RORA: variants seen among roughly 807,000 people sequenced by gnomAD.
RORA encodes the protein nuclear receptor ROR-alpha.
Under a neutral mutation model 69.5 loss-of-function variants are expected in RORA, and 7 were observed. The ratio of observed to expected loss-of-function variants is 0.10; its 90% CI spans 0.06 to 0.19. The LOEUF (loss-of-function observed/expected upper bound fraction) is 0.19, where lower values mean the gene tolerates loss of function less well. Among genes scored for constraint, RORA ranks in the 10% least tolerant of loss-of-function variants. The pLI, the probability that RORA is intolerant of heterozygous loss-of-function variation, is 1.00. For missense variants in RORA, 457 were observed against 663.0 expected, an observed-to-expected ratio of 0.69 and a Z score of 3.41; for synonymous variants, 261 against 240.8, an observed-to-expected ratio of 1.08 and a Z score of -0.78.
chr15:60,861,213 T>C (rs1291187530), intron 1 of RORA, among the ~76,000 whole-genome samples: 4 of 152,196 alleles, frequency 2.6e-5, no homozygotes, highest in Non-Finnish European at 5.9e-5. Flanking sequence ...TAAAGCATTA[T>C]CCATCCATTA....
intron 1 of RORA, among the ~76,000 whole-genome samples, chr15:60,878,668 A>G (rs948109171): frequency 6.6e-6 from 1 of 152,126 alleles, no homozygotes; most frequent in Admixed American, 6.5e-5. Context: ...TTAACTTACT[A>G]TTATTGCTCA....
At chr15:60,527,192 A>G (rs1389298492) in intron 3 of RORA, among the ~76,000 whole-genome samples, 1 of 152,220 alleles carries the variant, frequency 6.6e-6, no homozygotes, top group East Asian at 1.9e-4. Context: ...TCATTAAAAA[A>G]CTTGCAGTTA....
chr15:60,949,274 T>C (rs1893005099), intron 1 of RORA, among the ~76,000 whole-genome samples: 1 of 152,150 alleles, frequency 6.6e-6, no homozygotes, highest in South Asian at 2.1e-4. Flanking sequence ...CTACTATCCA[T>C]GATGAAAACA....
At position 61,029,283 on chromosome 15, in the gene RORA, C is replaced by T. The variant is rs1442824598; in HGVS notation, c.166+199770G>A. On this transcript the variant is annotated intron_variant, in intron 1 of 10. Transcript: ENST00000335670. ...AGCTCCTGTGTGTGGTTGGAGGACA[C>T]ATGACGAGCACCATTGGAAAGACAG... Among the ~76,000 whole-genome samples the T allele has an allele frequency of 2.0e-5, 3 of 152,020 alleles. No homozygotes were observed. The East Asian group carries it at 5.8e-4, about 29-fold the overall frequency.
At chr15:60,713,628 G>T (rs1341289097) in intron 1 of RORA, among the ~76,000 whole-genome samples, 1 of 152,146 alleles carries the variant, frequency 6.6e-6, no homozygotes, top group East Asian at 1.9e-4. Context: ...TCCCACAGGA[G>T]GGAGGTGATG....
chr15:61,188,158 G>C (rs544881742), intron 1 of RORA, among the ~76,000 whole-genome samples: 9 of 152,156 alleles, frequency 5.9e-5, no homozygotes, highest in East Asian at 1.9e-4. Context: ...TTCCCCACCC[G>C]ACACACCTCA....
intron 2 of RORA, among the ~76,000 whole-genome samples, chr15:60,581,395 A>G (rs2068190203): frequency 6.6e-6 from 1 of 152,246 alleles, no homozygotes; most frequent in Admixed American, 6.5e-5. Context: ...ATGGATTTCT[A>G]TCAAACCAAT....
chr15:60,637,977 G>A (rs1159569489), intron 2 of RORA, among the ~76,000 whole-genome samples: 1 of 152,134 alleles, frequency 6.6e-6, no homozygotes, highest in African/African-American at 2.4e-5. Context: ...TGCAGTGTTA[G>A]CTCTTGTGTC....
chr15:61,091,941 G>C (rs548833816), intron 1 of RORA, among the ~76,000 whole-genome samples: 1 of 152,286 alleles, frequency 6.6e-6, no homozygotes, highest in Non-Finnish European at 1.5e-5. Flanking sequence ...TAAACACTTT[G>C]AAACACTTGA....
intron 1 of RORA, among the ~76,000 whole-genome samples, chr15:60,718,078 T>G (rs931340675): frequency 2.6e-5 from 4 of 152,134 alleles, no homozygotes; most frequent in Non-Finnish European, 4.4e-5. Context: ...ACAGGCACAT[T>G]GCATTTTCAT....
intron 2 of RORA, among the ~76,000 whole-genome samples, chr15:60,614,194 T>C (rs1215579984): frequency 1.3e-5 from 2 of 152,062 alleles, no homozygotes; most frequent in African/African-American, 4.8e-5. Flanking sequence ...TGCCTGTCGG[T>C]TGAAAAAGAT....
At chr15:60,674,704 C>T (rs187989599) in intron 2 of RORA, among the ~76,000 whole-genome samples, 532 of 152,280 alleles carry the variant, frequency 3.5e-3, no homozygotes, top group African/African-American at 0.012. Flanking sequence ...TGGCTATTCA[C>T]GTTAACTGAA....
intron 1 of RORA, chr15:60,765,517 C>A (rs924854365): frequency 3.3e-5 from 5 of 152,154 alleles, no homozygotes; most frequent in African/African-American, 9.7e-5. Context: ...CCACACCCCA[C>A]AATCAAGGCC....
chr15:61,189,397 G>C (rs1262994113), intron 1 of RORA, among the ~76,000 whole-genome samples: 2 of 152,132 alleles, frequency 1.3e-5, no homozygotes, highest in Non-Finnish European at 2.9e-5. Context: ...TCTTGTTTTT[G>C]AGAGGATCTT....
intron 1 of RORA, among the ~76,000 whole-genome samples, chr15:60,839,256 T>C (rs918104422): frequency 1.3e-5 from 2 of 152,168 alleles, no homozygotes; most frequent in Non-Finnish European, 2.9e-5. Flanking sequence ...TATTAATATA[T>C]TGTACCCTTA....
intron 1 of RORA, among the ~76,000 whole-genome samples, chr15:61,002,297 C>T (rs537768482): frequency 2.0e-4 from 30 of 152,140 alleles, no homozygotes; most frequent in Non-Finnish European, 4.0e-4. Flanking sequence ...GTTGAAGCTG[C>T]AGCATATGAA....
intron 2 of RORA, among the ~76,000 whole-genome samples, chr15:60,564,416 G>C (rs1408090280): frequency 1.3e-5 from 2 of 152,234 alleles, no homozygotes; most frequent in Non-Finnish European, 2.9e-5. Context: ...CACCAAATAA[G>C]ATCATCTTTT....
At chr15:60,502,293 T>C (rs2065355504) in intron 8 of RORA, among the ~76,000 whole-genome samples, 1 of 152,230 alleles carries the variant, frequency 6.6e-6, no homozygotes, top group Non-Finnish European at 1.5e-5. Flanking sequence ...AATTATTTAT[T>C]ATAAATTATA....
At chr15:61,199,864 A>G (rs1445639292) in intron 1 of RORA, among the ~76,000 whole-genome samples, 1 of 152,192 alleles carries the variant, frequency 6.6e-6, no homozygotes, top group Non-Finnish European at 1.5e-5. Context: ...TAAAACAGAA[A>G]TAACAACACA....
Sources: gnomAD v4.1 joint callset for allele counts (sites outside exome capture counted in the v4.1 genomes callset) on GRCh38, gnomAD v4.1.1 for gene constraint, MANE v1.5 for transcripts, NCBI Gene and HGNC (gene_info 2026-07-23, HGNC 2026-07-21) for gene names.